The following LRRC4C variants were observed in gnomAD, a reference collection of about 807,000 sequenced individuals.
The protein encoded by LRRC4C is leucine-rich repeat-containing protein 4C.
LRRC4C carries 5 observed loss-of-function variants against 33.6 expected under a neutral mutation model. That is an observed-to-expected ratio of 0.15 (90% CI 0.08 to 0.31). The LOEUF is 0.31. LRRC4C is among the 10% of genes least tolerant of loss of function. The pLI, the probability that LRRC4C is intolerant of heterozygous loss-of-function variation, is 1.00. For synonymous variants in LRRC4C, 329 were observed against 302.0 expected (o/e 1.09, Z -0.93); for missense variants, 560 against 796.7 (o/e 0.70, Z 3.58).
intron 1 of LRRC4C, among the ~76,000 whole-genome samples, chr11:41,422,422 A>T (rs1378040253): frequency 6.6e-6 from 1 of 152,032 alleles, no homozygotes; most frequent in African/African-American, 2.4e-5. Flanking sequence ...CCCATTTTTC[A>T]AAAGAGATGG....
intron 3 of LRRC4C, among the ~76,000 whole-genome samples, chr11:40,385,892 A>AAATAAATAAAT (rs141949687): frequency 8.0e-4 from 93 of 116,774 alleles, no homozygotes; most frequent in Admixed American, 3.2e-3. Flanking sequence ...ATAAATAAAT[A>AAATAAATAAAT]AAATAAAATA....
At chr11:41,329,207 T>C (rs1951217423) in intron 1 of LRRC4C, among the ~76,000 whole-genome samples, 1 of 152,224 alleles carries the variant, frequency 6.6e-6, no homozygotes, top group African/African-American at 2.4e-5. Flanking sequence ...TTTCCCTAAC[T>C]GGCTCTGTGA....
intron 1 of LRRC4C, among the ~76,000 whole-genome samples, chr11:41,404,566 C>G (rs1026565064): frequency 2.4e-5 from 3 of 124,114 alleles, no homozygotes; most frequent in African/African-American, 9.2e-5. Context: ...ACACACACCC[C>G]CCGAGGTTAT....
chr11:40,453,920 T>C (rs1016021552), intron 3 of LRRC4C, among the ~76,000 whole-genome samples: 2 of 152,174 alleles, frequency 1.3e-5, no homozygotes, highest in African/African-American at 4.8e-5. Context: ...GAGTTACACA[T>C]TTTAAATGAG....
chr11:41,199,215 G>A (rs1434417737), intron 1 of LRRC4C, among the ~76,000 whole-genome samples: 1 of 152,032 alleles, frequency 6.6e-6, no homozygotes, highest in East Asian at 1.9e-4. Flanking sequence ...TCCTGAGTTT[G>A]TTCAATTCTT....
intron 3 of LRRC4C, among the ~76,000 whole-genome samples, chr11:40,461,535 G>T (rs1952397116): frequency 6.6e-6 from 1 of 151,888 alleles, no homozygotes; most frequent in South Asian, 2.1e-4. Flanking sequence ...CATACTCAGT[G>T]CTCAGCAAAT....
chr11:40,952,894 ACACTCTCTCT>A lies in LRRC4C; in HGVS notation c.-495-19181_-495-19172del, dbSNP rs1457715897. Among the ~76,000 whole-genome samples, 131 of 51,078 alleles carry A rather than the reference ACACTCTCTCT, an allele frequency of 2.6e-3. 1 individual carries two copies. Among genetic ancestry groups the A allele is most frequent in the African/African-American group, 5.6e-3 (113 of 20,080 alleles). The allele number at this position is 51,078 out of a possible 152,430, so 33.5% of individuals were successfully genotyped here. A position where few individuals can be genotyped will look rare whatever the true frequency, so the allele number is the denominator to read the frequency against. On this transcript the variant is annotated intron_variant, in intron 1 of 6. Coordinates refer to ENST00000528697, the MANE Select transcript of LRRC4C (RefSeq NM_001258419.2). ...CACACACACACACACACACACACAC[ACACTCTCTCT>A]CTCTCTCTCTCTCTCTCTCTTTCTC...
intron 1 of LRRC4C, among the ~76,000 whole-genome samples, chr11:41,038,282 C>T (rs1857220827): frequency 6.6e-6 from 1 of 152,186 alleles, no homozygotes; most frequent in South Asian, 2.1e-4. Flanking sequence ...AATACACACA[C>T]ATCTAAAAAC....
intron 3 of LRRC4C, among the ~76,000 whole-genome samples, chr11:40,590,453 C>T (rs892238396): frequency 4.6e-5 from 7 of 151,520 alleles, no homozygotes; most frequent in African/African-American, 1.5e-4. Context: ...GTAATTTGAT[C>T]GTCTGAAGCC....
chr11:40,749,458 C>CAAAAAAAAAAAAAAAAAAAAAAA, intron 2 of LRRC4C, among the ~76,000 whole-genome samples: 1 of 125,350 alleles, frequency 8.0e-6, no homozygotes. Context: ...CTATGAGATA[C>CAAAAAAAAAAAAAAAAAAAAAAA]AAAAAAAAAA....
At chr11:40,414,263 G>A (rs545171445) in intron 3 of LRRC4C, among the ~76,000 whole-genome samples, 1 of 152,190 alleles carries the variant, frequency 6.6e-6, no homozygotes, top group East Asian at 1.9e-4. Context: ...GTATTTAAAT[G>A]AATAACTTCT....
intron 5 of LRRC4C, among the ~76,000 whole-genome samples, chr11:40,150,372 C>G (rs924153977): frequency 2.0e-5 from 3 of 152,148 alleles, no homozygotes; most frequent in African/African-American, 7.2e-5. Context: ...CCTTGCAGGC[C>G]AGGTAAAGCA....
intron 4 of LRRC4C, among the ~76,000 whole-genome samples, chr11:40,272,693 C>T (rs899429316): frequency 1.4e-4 from 22 of 152,092 alleles, no homozygotes; most frequent in South Asian, 4.1e-4. Flanking sequence ...GTTGCTAGTG[C>T]GAAATGATAA....
At chr11:40,286,012 C>A (rs919358376) in intron 4 of LRRC4C, among the ~76,000 whole-genome samples, 4 of 152,096 alleles carry the variant, frequency 2.6e-5, no homozygotes, top group African/African-American at 9.7e-5. Context: ...GTGCCTGGTG[C>A]ATATCAAATG....
intron 2 of LRRC4C, among the ~76,000 whole-genome samples, chr11:40,812,906 T>A (rs938805208): frequency 6.6e-5 from 10 of 152,120 alleles, no homozygotes; most frequent in African/African-American, 1.2e-4. Context: ...AAACAAATTA[T>A]AGAAGTCCCT....
intron 3 of LRRC4C, among the ~76,000 whole-genome samples, chr11:40,424,778 A>C (rs1483372473): frequency 3.3e-5 from 5 of 152,234 alleles, no homozygotes; most frequent in Non-Finnish European, 5.9e-5. Context: ...TAGGCACAAA[A>C]TATTTTTTGG....
chr11:40,891,665 T>C lies in LRRC4C; in HGVS notation c.-407+41970A>G, dbSNP rs1273712565. Among the ~76,000 whole-genome samples the C allele has an allele frequency of 5.3e-5, 8 of 152,286 alleles. No individual in the cohort carries two copies. The East Asian group carries it at 7.7e-4, about 15-fold the overall frequency. On this transcript the variant is annotated intron_variant, in intron 2 of 6. Transcript: ENST00000528697. ...ATATATAAAAATGTGCTCAACACCA[T>C]TGATCATCCGAGAAATGCAAATCAA...
chr11:40,423,547 T>C (rs952352712), intron 3 of LRRC4C, among the ~76,000 whole-genome samples: 3 of 151,954 alleles, frequency 2.0e-5, no homozygotes, highest in African/African-American at 7.2e-5. Context: ...GGTTTCACCG[T>C]GTTAGCCAGG....
intron 4 of LRRC4C, among the ~76,000 whole-genome samples, chr11:40,305,386 T>C (rs1944980350): frequency 6.6e-6 from 1 of 152,170 alleles, no homozygotes; most frequent in Admixed American, 6.5e-5. Context: ...ACTCATAGAA[T>C]GGTACCAAGC....
Sources: allele counts gnomAD v4.1 joint callset (sites outside exome capture counted in the v4.1 genomes callset), GRCh38; gene constraint gnomAD v4.1.1; transcripts MANE v1.5; gene names NCBI Gene and HGNC (gene_info 2026-07-23, HGNC 2026-07-21).